Variants in PLAAT1 observed in about 807,000 individuals in gnomAD.
The protein encoded by PLAAT1 is phospholipase A and acyltransferase 1, also known as H-REV107 protein-related protein.
A neutral mutation model predicts 16.4 loss-of-function variants in PLAAT1; 13 were observed. The ratio of observed to expected loss-of-function variants is 0.79; its 90% confidence interval spans 0.52 to 1.26. The LOEUF (loss-of-function observed/expected upper bound fraction) is 1.26, where lower values mean the gene tolerates loss of function less well. PLAAT1 is among the 50% of genes most tolerant of loss of function. The pLI is 0.00. For missense variants in PLAAT1, 218 were observed against 207.8 expected (o/e 1.05, Z -0.30); for synonymous variants, 73 against 78.4 (o/e 0.93, Z 0.36).
At chr3:193,264,660 T>G (rs1422990935) in intron 3 of PLAAT1, among the ~76,000 whole-genome samples, 2 of 152,108 alleles carry the variant, frequency 1.3e-5, no homozygotes, top group Non-Finnish European at 2.9e-5. Flanking sequence ...TCTGCCACTA[T>G]GCCTAGCTAA....
At position 193,241,500 on chromosome 3, in the gene PLAAT1, C is replaced by G. The variant is rs188693944; in HGVS notation, c.-34C>G. The G allele has an allele frequency of 8.1e-5, 100 of 1,231,908 alleles. No homozygotes were observed. The African/African-American group carries it at 1.5e-3, about 18-fold the overall frequency. 76.3% of individuals were successfully genotyped at this position (1,231,908 alleles called of 1,614,324 possible). ...CCCCAGGACACACACAGCTGCCTCCCGGTGCGAGAAGAAGACCCCGGCTTG... is the reference window on the plus strand; with the variant it reads ...CCCCAGGACACACACAGCTGCCTCCGGGTGCGAGAAGAAGACCCCGGCTTG... On this transcript the variant is annotated 5_prime_UTR_variant, in exon 1 of 4. Coordinates refer to ENST00000264735, the MANE Select transcript of PLAAT1 (RefSeq NM_020386.5).
intron 1 of PLAAT1, among the ~76,000 whole-genome samples, chr3:193,247,293 A>C (rs1158621150): frequency 6.6e-6 from 1 of 152,172 alleles, no homozygotes; most frequent in Non-Finnish European, 1.5e-5. Flanking sequence ...TGTGCAGATA[A>C]GGGAACTTGC....
intron 2 of PLAAT1, among the ~76,000 whole-genome samples, chr3:193,258,367 A>G (rs1261372108): frequency 6.6e-6 from 1 of 152,162 alleles, no homozygotes; most frequent in Non-Finnish European, 1.5e-5. Flanking sequence ...GAAAAAAAGA[A>G]CAGACCAACC....
chr3:193,243,929 A>G (rs1047420050), intron 1 of PLAAT1, among the ~76,000 whole-genome samples: 1 of 152,188 alleles, frequency 6.6e-6, no homozygotes, highest in African/African-American at 2.4e-5. Flanking sequence ...AAATAATTGT[A>G]TCATTTCAAG....
downstream of PLAAT1, chr3:193,281,173 A>T: frequency 4.1e-6 from 4 of 985,292 alleles, no homozygotes; most frequent in Non-Finnish European, 4.8e-6. Context: ...AGCTGTGTGG[A>T]TTTTTCATTT....
At chr3:193,255,242 A>G (rs1038051017) in intron 1 of PLAAT1, among the ~76,000 whole-genome samples, 26 of 152,184 alleles carry the variant, frequency 1.7e-4, no homozygotes, top group Non-Finnish European at 1.2e-4. Flanking sequence ...AACAGATATT[A>G]TATGTTTACT....
chr3:193,249,756 A>C (rs1288170613), intron 1 of PLAAT1, among the ~76,000 whole-genome samples: 2 of 151,694 alleles, frequency 1.3e-5, no homozygotes, highest in Non-Finnish European at 2.9e-5. Flanking sequence ...GCTAATTCTT[A>C]CTTCTGCTTG....
chr3:193,262,535 A>G (rs1424074284), intron 2 of PLAAT1, among the ~76,000 whole-genome samples: 1 of 152,090 alleles, frequency 6.6e-6, no homozygotes, highest in African/African-American at 2.4e-5. Context: ...GAGCCTACTA[A>G]TAACAGTGTA....
intron 1 of PLAAT1, among the ~76,000 whole-genome samples, chr3:193,253,947 A>T (rs1343237718): frequency 6.6e-6 from 1 of 152,154 alleles, no homozygotes; most frequent in Admixed American, 6.5e-5. Context: ...TTATTATTTT[A>T]TACTTTGGCT....
At chr3:193,272,221 A>G (rs575684797), downstream of PLAAT1, among the ~76,000 whole-genome samples, 3 of 152,270 alleles carry the variant, frequency 2.0e-5, no homozygotes, top group Admixed American at 2.0e-4. Flanking sequence ...AGGCAGGTGG[A>G]TCATGAGGTC....
intron 1 of PLAAT1, among the ~76,000 whole-genome samples, chr3:193,253,538 C>CT (rs1716269075): frequency 6.6e-6 from 1 of 152,138 alleles, no homozygotes; most frequent in Non-Finnish European, 1.5e-5. Flanking sequence ...CTTGCGACAG[C>CT]TTTTTACCAG....
At chr3:193,280,786 T>C (rs1209009409), downstream of PLAAT1, among the ~76,000 whole-genome samples, 3 of 152,194 alleles carry the variant, frequency 2.0e-5, no homozygotes, top group Admixed American at 6.5e-5. Flanking sequence ...ATTGCCATGA[T>C]ACAAATGATT....
intron 1 of PLAAT1, among the ~76,000 whole-genome samples, chr3:193,250,905 A>G (rs1716168565): frequency 6.6e-6 from 1 of 152,050 alleles, no homozygotes; most frequent in Non-Finnish European, 1.5e-5. Flanking sequence ...GTCAAGGGAA[A>G]AGGTTTGGGA....
chr3:193,269,860 G>A (rs576723995), intron 3 of PLAAT1, among the ~76,000 whole-genome samples: 2 of 152,186 alleles, frequency 1.3e-5, no homozygotes, highest in Non-Finnish European at 2.9e-5. Context: ...TACCCTTAAA[G>A]CTATAAATGT....
At position 193,241,275 on chromosome 3, in the gene PLAAT1, G is replaced by GC. The variant is rs1187284162; in HGVS notation, c.-253dup. 2 of 1,229,664 alleles carry GC rather than the reference G, an allele frequency of 1.6e-6. No individual in the cohort carries two copies. Among genetic ancestry groups the GC allele is most frequent in the African/African-American group, 1.6e-5 (1 of 64,390 alleles). The allele number at this position is 1,229,664 out of a possible 1,614,324, so 76.2% of individuals were successfully genotyped here. ...CCCGGACGCCGAGCCCAGCGCGTCG[G>GC]CCCCCCGGCGTGCGGGCGTCTCAGA... is the stretch of plus-strand genomic sequence containing the variant. On this transcript the variant is annotated 5_prime_UTR_variant, in exon 1 of 4. Coordinates refer to ENST00000264735, the MANE Select transcript of PLAAT1 (RefSeq NM_020386.5).
intron 1 of PLAAT1, among the ~76,000 whole-genome samples, chr3:193,252,186 A>G (rs553464377): frequency 2.0e-5 from 3 of 152,156 alleles, no homozygotes; most frequent in East Asian, 3.9e-4. Context: ...GAATGGGAAC[A>G]AGGGGCGGTG....
At chr3:193,276,250 C>T (rs977804296) in intron 2 of PLAAT1, among the ~76,000 whole-genome samples, 2 of 152,124 alleles carry the variant, frequency 1.3e-5, no homozygotes, top group Non-Finnish European at 2.9e-5. Context: ...AATACTTGAG[C>T]CTCTTACTAA....
intron 1 of PLAAT1, among the ~76,000 whole-genome samples, chr3:193,252,228 C>A (rs181604433): frequency 4.8e-4 from 73 of 152,206 alleles, no homozygotes; most frequent in African/African-American, 1.7e-3. Context: ...ACAACCAGAT[C>A]TCTTGTGAAC....
At chr3:193,271,182 T>C (rs933434387), downstream of PLAAT1, among the ~76,000 whole-genome samples, 8 of 152,184 alleles carry the variant, frequency 5.3e-5, no homozygotes, top group Non-Finnish European at 1.2e-4. Context: ...GGACTCTAAT[T>C]TACAAGCCTT....
Sources: gnomAD v4.1 joint callset for allele counts (sites outside exome capture counted in the v4.1 genomes callset) on GRCh38, gnomAD v4.1.1 for gene constraint, MANE v1.5 for transcripts, NCBI Gene and HGNC (gene_info 2026-07-23, HGNC 2026-07-21) for gene names.